Variants in PDE3A observed in about 807,000 individuals in gnomAD.
PDE3A encodes the protein phosphodiesterase 3A.
In PDE3A, 43 loss-of-function variants were observed where a neutral mutation model predicts 98.3. The ratio of observed to expected loss-of-function variants is 0.44; its 90% CI spans 0.34 to 0.56. The LOEUF (loss-of-function observed/expected upper bound fraction) is 0.56. Among genes scored for constraint, PDE3A ranks in the 20% least tolerant of loss-of-function variants. The pLI is 0.01. For missense variants in PDE3A, 1,427 were observed against 1,440.7 expected, an observed-to-expected ratio of 0.99 and a Z score of 0.15; for synonymous variants, 663 against 567.9, an observed-to-expected ratio of 1.17 and a Z score of -2.38.
intron 1 of PDE3A, among the ~76,000 whole-genome samples, chr12:20,394,757 T>C (rs1943977181): frequency 1.3e-5 from 2 of 152,090 alleles, no homozygotes; most frequent in African/African-American, 4.8e-5. Flanking sequence ...AGTAGGGTAT[T>C]GCATTGATTG....
intron 1 of PDE3A, among the ~76,000 whole-genome samples, chr12:20,417,389 A>G: frequency 6.6e-6 from 1 of 152,354 alleles, no homozygotes; most frequent in South Asian, 2.1e-4. Flanking sequence ...TTATATCTTT[A>G]GATACTGGTA....
chr12:20,627,356 C>T (rs907856773), intron 5 of PDE3A, among the ~76,000 whole-genome samples: 3 of 151,990 alleles, frequency 2.0e-5, no homozygotes, highest in Non-Finnish European at 4.4e-5. Context: ...TTGCCCTGGC[C>T]CTACCCAACC....
intron 1 of PDE3A, among the ~76,000 whole-genome samples, chr12:20,483,682 T>C (rs1204331498): frequency 3.9e-5 from 6 of 152,222 alleles, no homozygotes; most frequent in African/African-American, 1.4e-4. Flanking sequence ...ACTTTCTAGT[T>C]TAATTGTTAT....
rs1942781133 is a variant in PDE3A at position 20,570,557 on chromosome 12, C to CA, written c.1011+13850dup. ...TATAAGGAATACATTTCTAGCCATT[C>CA]AAATTGATTTAAAAATAAAATAAGG... On this transcript the variant is annotated intron_variant, in intron 2 of 15. Coordinates refer to ENST00000359062, the MANE Select transcript of PDE3A (RefSeq NM_000921.5). Among the ~76,000 whole-genome samples the CA allele has an allele frequency of 4.0e-5, 6 of 150,904 alleles. 1 individual carries two copies. In the South Asian group the frequency reaches 1.3e-3, roughly 32 times the overall value.
At chr12:20,472,399 G>A (rs936417571) in intron 1 of PDE3A, among the ~76,000 whole-genome samples, 4 of 151,982 alleles carry the variant, frequency 2.6e-5, no homozygotes, top group African/African-American at 7.2e-5. Flanking sequence ...CTACAACATC[G>A]GCTCCTCCTT....
chr12:20,400,379 GTTTTTTTTTTTTTTTTTTTTTTTTTTTTT>G (rs75851941), intron 1 of PDE3A, among the ~76,000 whole-genome samples: 3 of 110,266 alleles, frequency 2.7e-5, no homozygotes, highest in African/African-American at 4.2e-5. Context: ...GTTAACATTG[GTTTTTTTTTTTTTTTTTTTTTTTTTTTTT>G]TTTTTTTTTT....
At chr12:20,517,351 A>G (rs932672983) in intron 1 of PDE3A, among the ~76,000 whole-genome samples, 4 of 152,194 alleles carry the variant, frequency 2.6e-5, no homozygotes, top group Admixed American at 6.5e-5. Flanking sequence ...GGGTTGGACT[A>G]TGGGGATTAT....
chr12:20,678,919 C>CATGT (rs1945702999), intron 15 of PDE3A, among the ~76,000 whole-genome samples: 2 of 151,810 alleles, frequency 1.3e-5, no homozygotes, highest in African/African-American at 4.8e-5. Context: ...AAAGTTCCCC[C>CATGT]TAAATGATTT....
At chr12:20,519,715 A>G (rs1355851752) in intron 1 of PDE3A, among the ~76,000 whole-genome samples, 1 of 152,206 alleles carries the variant, frequency 6.6e-6, no homozygotes, top group East Asian at 1.9e-4. Context: ...GTAGTTCCCA[A>G]TAGCAAAGGA....
At chr12:20,373,468 T>A (rs1453653714) in intron 1 of PDE3A, among the ~76,000 whole-genome samples, 2 of 152,112 alleles carry the variant, frequency 1.3e-5, no homozygotes, top group African/African-American at 2.4e-5. Context: ...ATTTTGCAAT[T>A]TTTTTGTTAT....
chr12:20,492,399 A>G (rs1190203121), intron 1 of PDE3A, among the ~76,000 whole-genome samples: 1 of 11,144 alleles, frequency 9.0e-5, no homozygotes, highest in African/African-American at 2.4e-4. Flanking sequence ...TCTGGGTTCG[A>G]ATCCTGTCTG....
intron 1 of PDE3A, among the ~76,000 whole-genome samples, chr12:20,491,458 G>T (rs1945825125): frequency 6.6e-6 from 1 of 152,152 alleles, no homozygotes; most frequent in Non-Finnish European, 1.5e-5. Context: ...CTGTCATGGT[G>T]CTGTGAGGTG....
intron 1 of PDE3A, among the ~76,000 whole-genome samples, chr12:20,431,353 G>A (rs1443849792): frequency 1.3e-5 from 2 of 152,112 alleles, no homozygotes; most frequent in African/African-American, 4.8e-5. Flanking sequence ...GGCCATGTAT[G>A]TTCATGAGGG....
At chr12:20,540,423 C>T (rs1246512672) in intron 1 of PDE3A, among the ~76,000 whole-genome samples, 1 of 152,026 alleles carries the variant, frequency 6.6e-6, no homozygotes, top group Non-Finnish European at 1.5e-5. Flanking sequence ...TTATACTTTG[C>T]ATATAATTTA....
chr12:20,649,315 T>G (rs1053992642), intron 13 of PDE3A, among the ~76,000 whole-genome samples: 1 of 152,130 alleles, frequency 6.6e-6, no homozygotes, highest in Non-Finnish European at 1.5e-5. Context: ...AACTCCCATA[T>G]TTCAAATGTG....
chr12:20,524,031 C>T (rs897736181), intron 1 of PDE3A, among the ~76,000 whole-genome samples: 3 of 152,148 alleles, frequency 2.0e-5, no homozygotes, highest in Non-Finnish European at 4.4e-5. Flanking sequence ...ACTCATACCT[C>T]TTTAGTGGGC....
chr12:20,665,072 A>G (rs151108797), intron 15 of PDE3A, among the ~76,000 whole-genome samples: 10 of 152,232 alleles, frequency 6.6e-5, no homozygotes, highest in African/African-American at 2.4e-4. Flanking sequence ...CACCACCTCC[A>G]TACAATATTG....
chr12:20,450,418 C>T (rs1422760813), intron 1 of PDE3A, among the ~76,000 whole-genome samples: 1 of 152,150 alleles, frequency 6.6e-6, no homozygotes, highest in African/African-American at 2.4e-5. Flanking sequence ...AACCTTTTAG[C>T]CAACTAGGTA....
At chr12:20,660,589 C>T (rs181471008) in intron 15 of PDE3A, among the ~76,000 whole-genome samples, 328 of 152,208 alleles carry the variant, frequency 2.2e-3, no homozygotes, top group African/African-American at 7.3e-3. Context: ...ATTGTATCAT[C>T]ATGGCAAGTC....
Sources: gnomAD v4.1 joint callset for allele counts (sites outside exome capture counted in the v4.1 genomes callset) on GRCh38, gnomAD v4.1.1 for gene constraint, MANE v1.5 for transcripts, NCBI Gene and HGNC (gene_info 2026-07-23, HGNC 2026-07-21) for gene names.